Variants in CTNNA3 observed in about 807,000 individuals in gnomAD.
CTNNA3 encodes the protein catenin alpha-3.
A neutral mutation model predicts 95.7 loss-of-function variants in CTNNA3; 76 were observed. The observed-to-expected ratio is 0.79, with a 90% CI of 0.66 to 0.96. The LOEUF (loss-of-function observed/expected upper bound fraction) is 0.96, where lower values mean the gene tolerates loss of function less well. Among genes scored for constraint, CTNNA3 ranks in the 40% least tolerant of loss-of-function variants. The pLI, the probability that CTNNA3 is intolerant of heterozygous loss-of-function variation, is 0.00. For synonymous variants in CTNNA3, 431 were observed against 374.4 expected, an observed-to-expected ratio of 1.15 and a Z score of -1.74; for missense variants, 1,191 against 1,089.8, an observed-to-expected ratio of 1.09 and a Z score of -1.31.
chr10:67,364,323 T>G (rs941741625), intron 5 of CTNNA3, among the ~76,000 whole-genome samples: 1 of 152,084 alleles, frequency 6.6e-6, no homozygotes, highest in Non-Finnish European at 1.5e-5. Context: ...ATGGAATGTA[T>G]CTCATAATAA....
intron 9 of CTNNA3, among the ~76,000 whole-genome samples, chr10:66,654,912 A>G (rs1846025314): frequency 6.6e-6 from 1 of 152,052 alleles, no homozygotes; most frequent in African/African-American, 2.4e-5. Context: ...AGAAGCAAAG[A>G]GTGGAACAGT....
At chr10:66,754,843 C>T (rs1294297511) in intron 9 of CTNNA3, among the ~76,000 whole-genome samples, 1 of 152,096 alleles carries the variant, frequency 6.6e-6, no homozygotes, top group African/African-American at 2.4e-5. Flanking sequence ...CCTTCATACA[C>T]TGCAGATGAG....
At chr10:67,739,325 G>T (rs1444598017) in intron 1 of CTNNA3, among the ~76,000 whole-genome samples, 1 of 152,054 alleles carries the variant, frequency 6.6e-6, no homozygotes, top group Admixed American at 6.6e-5. Flanking sequence ...GGCAGGAGAA[G>T]GAAATAAAGG....
At chr10:67,138,368 T>C (rs137975254) in intron 7 of CTNNA3, among the ~76,000 whole-genome samples, 1 of 152,338 alleles carries the variant, frequency 6.6e-6, no homozygotes, top group East Asian at 1.9e-4. Context: ...ATTTCTCATT[T>C]ATAAATCATA....
At chr10:67,078,066 T>G (rs1306413731) in intron 7 of CTNNA3, among the ~76,000 whole-genome samples, 1 of 152,206 alleles carries the variant, frequency 6.6e-6, no homozygotes, top group East Asian at 1.9e-4. Context: ...GGGTCATACT[T>G]GGACCAAGTC....
At chr10:67,536,218 T>C (rs1259765801) in intron 4 of CTNNA3, among the ~76,000 whole-genome samples, 2 of 152,124 alleles carry the variant, frequency 1.3e-5, no homozygotes, top group Non-Finnish European at 2.9e-5. Flanking sequence ...AGGGGAGACA[T>C]AGGTAAGTCC....
intron 9 of CTNNA3, among the ~76,000 whole-genome samples, chr10:66,749,463 G>T (rs1032173925): frequency 2.6e-5 from 4 of 152,076 alleles, no homozygotes; most frequent in Non-Finnish European, 4.4e-5. Flanking sequence ...AATCAGATAG[G>T]ATGTATCCTT....
At chr10:66,683,224 T>C (rs1166258411) in intron 9 of CTNNA3, among the ~76,000 whole-genome samples, 1 of 152,186 alleles carries the variant, frequency 6.6e-6, no homozygotes, top group Admixed American at 6.6e-5. Context: ...GAAAAGATTG[T>C]GGTGGACTAG....
chr10:66,206,282 A>C (rs1256410593), intron 13 of CTNNA3, among the ~76,000 whole-genome samples: 1 of 151,980 alleles, frequency 6.6e-6, no homozygotes, highest in African/African-American at 2.4e-5. Context: ...ATATTATCTA[A>C]TAATTGTTAA....
intron 13 of CTNNA3, among the ~76,000 whole-genome samples, chr10:66,237,099 G>C (rs1008157565): frequency 3.3e-5 from 5 of 152,094 alleles, no homozygotes; most frequent in Admixed American, 6.6e-5. Context: ...CACTGCAACA[G>C]AGCAAGGTCA....
At chr10:67,386,062 A>G (rs1037663894) in intron 5 of CTNNA3, among the ~76,000 whole-genome samples, 2 of 152,204 alleles carry the variant, frequency 1.3e-5, no homozygotes, top group Non-Finnish European at 2.9e-5. Flanking sequence ...GAAATGCATA[A>G]AAAGGCACTC....
chr10:67,534,596 G>A (rs953060017), intron 4 of CTNNA3, among the ~76,000 whole-genome samples: 6 of 152,046 alleles, frequency 3.9e-5, no homozygotes, highest in African/African-American at 9.7e-5. Context: ...CCTCCCTTCC[G>A]TCTTCCTGTA....
chr10:67,731,210 G>C (rs1053624799), intron 1 of CTNNA3, among the ~76,000 whole-genome samples: 2 of 152,138 alleles, frequency 1.3e-5, no homozygotes, highest in Admixed American at 6.5e-5. Flanking sequence ...TGTAGGAAAT[G>C]CTGTTTTTTC....
intron 11 of CTNNA3, among the ~76,000 whole-genome samples, chr10:66,484,531 T>C (rs532992235): frequency 6.6e-6 from 1 of 151,942 alleles, no homozygotes; most frequent in African/African-American, 2.4e-5. Context: ...AATATGATAA[T>C]GTGAAAAGTA....
chr10:66,103,279 G>A, intron 13 of CTNNA3, 30 bp from the exon 14 acceptor site: 5 of 1,529,604 alleles, frequency 3.3e-6, no homozygotes, highest in Non-Finnish European at 4.5e-6. Flanking sequence ...CATTGCTAGT[G>A]GGAATGTAAA....
chr10:67,625,773 C>A (rs1442924545), intron 2 of CTNNA3, among the ~76,000 whole-genome samples: 1 of 152,154 alleles, frequency 6.6e-6, no homozygotes, highest in Non-Finnish European at 1.5e-5. Context: ...GGCCTATGGT[C>A]TAATGGCTAG....
At chr10:67,181,956 T>A (rs910353430) in intron 6 of CTNNA3, among the ~76,000 whole-genome samples, 1 of 151,960 alleles carries the variant, frequency 6.6e-6, no homozygotes, top group Non-Finnish European at 1.5e-5. Context: ...ACAAAGAGAA[T>A]AAAATACCTA....
intron 7 of CTNNA3, among the ~76,000 whole-genome samples, chr10:66,958,989 C>A (rs1564795144): frequency 6.6e-6 from 1 of 152,120 alleles, no homozygotes; most frequent in Non-Finnish European, 1.5e-5. Flanking sequence ...AATGAATTAT[C>A]TCCTCCCCAC....
intron 10 of CTNNA3, among the ~76,000 whole-genome samples, chr10:66,530,557 G>A (rs562638002): frequency 2.6e-5 from 4 of 151,872 alleles, no homozygotes; most frequent in South Asian, 2.1e-4. Flanking sequence ...TTCAAATTAC[G>A]GCATGTAATA....
Sources: allele counts gnomAD v4.1 joint callset (sites outside exome capture counted in the v4.1 genomes callset), GRCh38; gene constraint gnomAD v4.1.1; transcripts MANE v1.5; gene names NCBI Gene and HGNC (gene_info 2026-07-23, HGNC 2026-07-21).